The following RIMS2 variants were observed in gnomAD, a reference collection of about 807,000 sequenced individuals.
The protein encoded by RIMS2 is regulating synaptic membrane exocytosis 2.
RIMS2 carries 59 observed loss-of-function variants against 174.4 expected under a neutral mutation model. The observed-to-expected ratio is 0.34, with a 90% CI of 0.27 to 0.42. RIMS2 has a LOEUF of 0.42. Among genes scored for constraint, RIMS2 ranks in the 10% least tolerant of loss-of-function variants. The pLI is 1.00. For synonymous variants in RIMS2, 606 were observed against 572.5 expected (o/e 1.06, Z -0.84); for missense variants, 1,620 against 1,666.3 (o/e 0.97, Z 0.48).
intron 3 of RIMS2, among the ~76,000 whole-genome samples, chr8:103,802,176 C>G (rs1180994944): frequency 6.6e-6 from 1 of 152,100 alleles, no homozygotes; most frequent in Non-Finnish European, 1.5e-5. Context: ...TTTTGAGCCT[C>G]TTTAATTTAT....
chr8:103,958,218 C>T (rs903525778), intron 14 of RIMS2, among the ~76,000 whole-genome samples: 3 of 152,008 alleles, frequency 2.0e-5, no homozygotes, highest in Admixed American at 6.6e-5. Flanking sequence ...AATACTATGA[C>T]GCCATAAAAA....
At chr8:104,223,283 G>T in intron 19 of RIMS2, 5 of 769,462 alleles carry the variant, frequency 6.5e-6, no homozygotes, top group Non-Finnish European at 8.0e-6. Context: ...GCCGCTGATT[G>T]GCGGGGACCG....
chr8:103,618,864 T>C (rs1399850564), intron 1 of RIMS2, among the ~76,000 whole-genome samples: 2 of 152,110 alleles, frequency 1.3e-5, no homozygotes, highest in African/African-American at 4.8e-5. Context: ...AAACCTATTT[T>C]CACTCGTGGT....
At position 103,819,316 on chromosome 8, in the gene RIMS2, A is replaced by G. The variant is rs1415814310; in HGVS notation, c.698+52779A>G. On this transcript the variant is annotated intron_variant, in intron 3 of 23. Transcript: ENST00000504942. ...AAGCTGCACGGGTACTGAATCTTCT[A>G]CGACTGAATTAGAAGAATAATGACT... 3 of 1,415,758 alleles carry G rather than the reference A, an allele frequency of 2.1e-6. No homozygotes were observed. The African/African-American group carries it at 4.3e-5, about 21-fold the overall frequency. The allele number at this position is 1,415,758 out of a possible 1,614,324, so 87.7% of individuals were successfully genotyped here.
chr8:103,628,735 A>T (rs1020701593), intron 1 of RIMS2, among the ~76,000 whole-genome samples: 4 of 146,548 alleles, frequency 2.7e-5, no homozygotes, highest in African/African-American at 7.7e-5. Context: ...ACAACCGAGA[A>T]ACATCAACAG....
At chr8:103,871,655 T>C (rs2099112632) in intron 3 of RIMS2, among the ~76,000 whole-genome samples, 1 of 152,194 alleles carries the variant, frequency 6.6e-6, no homozygotes, top group Non-Finnish European at 1.5e-5. Context: ...TGACGTGTTC[T>C]GATTTCATAA....
At chr8:103,646,104 A>G (rs1453250972) in intron 1 of RIMS2, among the ~76,000 whole-genome samples, 2 of 152,028 alleles carry the variant, frequency 1.3e-5, no homozygotes, top group African/African-American at 4.8e-5. Flanking sequence ...GAGCCAGGAG[A>G]AGGAATTTCA....
intron 1 of RIMS2, among the ~76,000 whole-genome samples, chr8:103,536,217 G>T (rs1002724109): frequency 1.3e-5 from 2 of 152,082 alleles, no homozygotes; most frequent in African/African-American, 4.8e-5. Context: ...ATGCTCTCTT[G>T]ACTTTGTGTT....
chr8:103,562,206 A>T (rs528553032), intron 1 of RIMS2, among the ~76,000 whole-genome samples: 1 of 152,298 alleles, frequency 6.6e-6, no homozygotes, highest in African/African-American at 2.4e-5. Context: ...GTCTTAACTC[A>T]TTTCAGCATT....
intron 19 of RIMS2, among the ~76,000 whole-genome samples, chr8:104,036,237 G>A (rs1292970926): frequency 2.6e-5 from 4 of 151,742 alleles, no homozygotes; most frequent in South Asian, 2.1e-4. Context: ...TGCAAGCTCC[G>A]CCTCCTGGGT....
chr8:103,513,199 A>G (rs2129705951), intron 1 of RIMS2, among the ~76,000 whole-genome samples: 1 of 152,306 alleles, frequency 6.6e-6, no homozygotes, highest in African/African-American at 2.4e-5. Context: ...TACATGTAAT[A>G]TGAAATGCCT....
At chr8:103,621,422 G>T (rs1352894385) in intron 1 of RIMS2, among the ~76,000 whole-genome samples, 2 of 152,230 alleles carry the variant, frequency 1.3e-5, no homozygotes, top group Non-Finnish European at 2.9e-5. Flanking sequence ...GAAGGAGGAA[G>T]TAACTTGTGG....
chr8:103,689,054 A>C (rs1324021604), intron 1 of RIMS2, among the ~76,000 whole-genome samples: 1 of 150,734 alleles, frequency 6.6e-6, no homozygotes, highest in Non-Finnish European at 1.5e-5. Flanking sequence ...TGTTGTTTCC[A>C]TTTTTCTTTG....
chr8:103,705,214 T>C (rs1328092884), intron 2 of RIMS2, among the ~76,000 whole-genome samples: 1 of 152,104 alleles, frequency 6.6e-6, no homozygotes, highest in Non-Finnish European at 1.5e-5. Flanking sequence ...TATTGGTTAT[T>C]CACAAGCATG....
chr8:104,110,695 G>A (rs1462935601), intron 19 of RIMS2, among the ~76,000 whole-genome samples: 1 of 152,110 alleles, frequency 6.6e-6, no homozygotes, highest in Non-Finnish European at 1.5e-5. Context: ...TTTTAAATCA[G>A]TGCTTTTCAA....
At chr8:103,543,618 TA>T (rs1843535563) in intron 1 of RIMS2, among the ~76,000 whole-genome samples, 1 of 152,104 alleles carries the variant, frequency 6.6e-6, no homozygotes, top group South Asian at 2.1e-4. Context: ...AAAGCTATAG[TA>T]CCAAAACAGC....
intron 1 of RIMS2, among the ~76,000 whole-genome samples, chr8:103,532,942 G>T (rs1026286612): frequency 3.3e-5 from 5 of 152,186 alleles, no homozygotes; most frequent in African/African-American, 1.2e-4. Flanking sequence ...TAAGTTAGAT[G>T]ACAAAGCACT....
intron 2 of RIMS2, among the ~76,000 whole-genome samples, chr8:103,704,413 C>T (rs976083512): frequency 6.6e-6 from 1 of 151,882 alleles, no homozygotes; most frequent in African/African-American, 2.4e-5. Flanking sequence ...AGATAATGGC[C>T]TCTAGTCGTC....
chr8:103,747,369 G>A (rs1376653549), intron 2 of RIMS2, among the ~76,000 whole-genome samples: 1 of 150,558 alleles, frequency 6.6e-6, no homozygotes, highest in Non-Finnish European at 1.5e-5. Flanking sequence ...GAACTTTTTG[G>A]GTCATTTTAA....
Sources: gnomAD v4.1 joint callset for allele counts (sites outside exome capture counted in the v4.1 genomes callset) on GRCh38, gnomAD v4.1.1 for gene constraint, MANE v1.5 for transcripts, NCBI Gene and HGNC (gene_info 2026-07-23, HGNC 2026-07-21) for gene names.